Variants in SGCG observed in about 807,000 individuals in gnomAD.
SGCG encodes sarcoglycan gamma.
A neutral mutation model predicts 29.3 loss-of-function variants in SGCG; 26 were observed. The ratio of observed to expected loss-of-function variants is 0.89; its 90% CI spans 0.65 to 1.23. The LOEUF (loss-of-function observed/expected upper bound fraction) is 1.23, where lower values mean the gene tolerates loss of function less well. Among genes scored for constraint, SGCG ranks in the 50% most tolerant of loss-of-function variants. SGCG has a pLI of 0.00. For missense variants in SGCG, 353 were observed against 356.0 expected (o/e 0.99, Z 0.07); for synonymous variants, 145 against 129.7 (o/e 1.12, Z -0.80).
rs1056050821 is a variant in SGCG at position 23,184,196 on chromosome 13, C to T, written c.-1+3121C>T. Among the ~76,000 whole-genome samples, 50 of 152,278 alleles carry T rather than the reference C, an allele frequency of 3.3e-4. 1 individual carries two copies. The highest frequency in any genetic ancestry group is 1.1e-3 in the African/African-American group (45 of 41,558). On this transcript the variant is annotated intron_variant, in intron 1 of 7. Transcript: ENST00000218867. ...CCATAGGAAAAACACATATATACCA[C>T]GTTTGATAAAAAACTTAAGTGTACC...
At chr13:23,204,043 T>C (rs1321855752) in intron 2 of SGCG, among the ~76,000 whole-genome samples, 154 bp downstream of exon 2, 2 of 151,230 alleles carry the variant, frequency 1.3e-5, no homozygotes, top group African/African-American at 4.9e-5. Context: ...ATGTAGCATT[T>C]ACGTTTTTCC....
chr13:23,245,051 T>C (rs1879652138), intron 3 of SGCG: 1 of 152,236 alleles, frequency 6.6e-6, no homozygotes, highest in African/African-American at 2.4e-5. Flanking sequence ...CACCAAGGTT[T>C]TTCCTAAGGT....
intron 1 of SGCG, among the ~76,000 whole-genome samples, chr13:23,200,273 A>T (rs1183332680): frequency 1.3e-5 from 2 of 152,052 alleles, no homozygotes; most frequent in Admixed American, 6.6e-5. Context: ...AAATACAAAA[A>T]TTAGCTGGGC....
intron 1 of SGCG, among the ~76,000 whole-genome samples, chr13:23,183,537 T>C (rs1326384649): frequency 1.3e-5 from 2 of 152,158 alleles, no homozygotes; most frequent in Non-Finnish European, 2.9e-5. Flanking sequence ...TCCTGGTGGC[T>C]GCCTGCCTAT....
intron 3 of SGCG, among the ~76,000 whole-genome samples, chr13:23,241,165 AAG>A (rs1879495585): frequency 1.6e-5 from 2 of 121,826 alleles, no homozygotes; most frequent in Admixed American, 9.4e-5. Context: ...AAAAAAAAAG[AAG>A]AAGAAGAAAA....
chr13:23,322,753 G>GCCCCC (rs71100171), intron 7 of SGCG, among the ~76,000 whole-genome samples: 5 of 9,998 alleles, frequency 5.0e-4, no homozygotes, highest in Admixed American at 2.7e-3. Flanking sequence ...TGCACAGACC[G>GCCCCC]CCCCCCACCC....
chr13:23,175,211 A>G, the SGCG span, among the ~76,000 whole-genome samples: 1 of 152,216 alleles, frequency 6.6e-6, no homozygotes, highest in African/African-American at 2.4e-5. Context: ...ACACTGAGAC[A>G]TAGCAATAGG....
intron 6 of SGCG, among the ~76,000 whole-genome samples, chr13:23,310,078 C>CTTTT (rs144258130): frequency 1.6e-5 from 1 of 60,780 alleles, no homozygotes; most frequent in Non-Finnish European, 2.8e-5. Context: ...TTGTTTTTCT[C>CTTTT]TTTTTTTTTT....
chr13:23,194,222 GA>G (rs997605250), intron 1 of SGCG, among the ~76,000 whole-genome samples: 1 of 152,110 alleles, frequency 6.6e-6, no homozygotes, highest in African/African-American at 2.4e-5. Context: ...GGTGCAGAAG[GA>G]AAATAGGTCA....
intron 4 of SGCG, among the ~76,000 whole-genome samples, chr13:23,271,563 A>G (rs942659695): frequency 3.9e-5 from 6 of 152,216 alleles, no homozygotes; most frequent in African/African-American, 1.4e-4. Context: ...CCATGCCTAG[A>G]TACCACATTC....
chr13:23,285,757 T>C (rs1881472563), intron 5 of SGCG, among the ~76,000 whole-genome samples: 1 of 149,658 alleles, frequency 6.7e-6, no homozygotes, highest in South Asian at 2.2e-4. Context: ...TGAGGGAATC[T>C]CCTGGTCTGC....
intron 2 of SGCG, among the ~76,000 whole-genome samples, chr13:23,214,097 G>A (rs1878335974): frequency 6.6e-6 from 1 of 152,138 alleles, no homozygotes; most frequent in South Asian, 2.1e-4. Flanking sequence ...TCAGGAAAGG[G>A]CCTTCAGACC....
chr13:23,163,697 C>T, the SGCG span, among the ~76,000 whole-genome samples: 1 of 152,144 alleles, frequency 6.6e-6, no homozygotes, highest in South Asian at 2.1e-4. Flanking sequence ...GTCTAGTAGA[C>T]TTTATTCAAT....
chr13:23,167,425 C>T, the SGCG span, among the ~76,000 whole-genome samples: 40 of 152,280 alleles, frequency 2.6e-4, no homozygotes, highest in East Asian at 1.4e-3. Context: ...ATATACCCAG[C>T]GGTGGGATTG....
chr13:23,302,246 C>T (rs523918), intron 6 of SGCG, among the ~76,000 whole-genome samples: 83,556 of 150,860 alleles, frequency 0.55, 24,311 homozygotes, highest in East Asian at 0.84. Context: ...TATCCTATTT[C>T]TCCACAAGAA....
intron 6 of SGCG, among the ~76,000 whole-genome samples, chr13:23,299,502 G>T (rs9552914): frequency 0.26 from 21,477 of 82,296 alleles, 5,737 homozygotes; most frequent in East Asian, 0.82. Flanking sequence ...CCCCAGGCTG[G>T]GGTGCAGTGG....
chr13:23,182,062 T>C (rs1318953953), intron 1 of SGCG, among the ~76,000 whole-genome samples: 1 of 152,196 alleles, frequency 6.6e-6, no homozygotes, highest in Non-Finnish European at 1.5e-5. Context: ...TGTAGTTAGA[T>C]ATAGCATTCC....
At chr13:23,178,928 C>CA (rs1328266719), upstream of SGCG, among the ~76,000 whole-genome samples, 1 of 152,028 alleles carries the variant, frequency 6.6e-6, no homozygotes, top group East Asian at 1.9e-4. Context: ...CTGCAGTAGT[C>CA]AAAAATGGAA....
intron 3 of SGCG, among the ~76,000 whole-genome samples, chr13:23,238,307 A>C (rs1430254737): frequency 6.6e-6 from 1 of 152,214 alleles, no homozygotes; most frequent in Non-Finnish European, 1.5e-5. Context: ...GCACGTGGAC[A>C]GCGCTCCAGA....
Sources: allele counts gnomAD v4.1 joint callset (sites outside exome capture counted in the v4.1 genomes callset), GRCh38; gene constraint gnomAD v4.1.1; transcripts MANE v1.5; gene names NCBI Gene and HGNC (gene_info 2026-07-23, HGNC 2026-07-21).